Variants in LDHA observed in about 807,000 individuals in gnomAD.
LDHA encodes L-lactate dehydrogenase A chain.
In LDHA, 10 loss-of-function variants were observed where a neutral mutation model predicts 36.3. That is an observed-to-expected ratio of 0.28 (90% CI 0.17 to 0.47). The LOEUF is 0.47. LDHA is among the 20% of genes least tolerant of loss of function. The pLI is 0.99. For missense variants in LDHA, 267 were observed against 405.8 expected (o/e 0.66, Z 2.94); for synonymous variants, 110 against 136.7 (o/e 0.80, Z 1.36).
At chr11:18,398,629 T>TTTTTTTTTTTTTTTTTTC (rs1554960741) in intron 2 of LDHA, 2 of 87,662 alleles carry the variant, frequency 2.3e-5, no homozygotes, top group African/African-American at 8.1e-5. Context: ...TTTTTTTTTT[T>TTTTTTTTTTTTTTTTTTC]CTGAGAAGGA....
Position 18,408,215 on chromosome 11 carries a change from A to C in LDHA, c.*934A>C. On this transcript the variant is annotated 3_prime_UTR_variant, in exon 8 of 8. Coordinates refer to ENST00000422447, the MANE Select transcript of LDHA (RefSeq NM_005566.4). ...TAACAATTAAAAACAATCTTAAGGC[A>C]GGGTGCAGTGGCTCATGCCTATAAT... 1 of 454,060 alleles carries C rather than the reference A, an allele frequency of 2.2e-6. No individual in the cohort carries two copies. The allele number at this position is 454,060 out of a possible 1,614,324, so 28.1% of individuals were successfully genotyped here.
In LDHA at chr11:18,396,556, A is replaced by AC. The variant is rs1565033896; in HGVS notation, c.-24-260dup. On this transcript the variant is annotated intron_variant, in intron 1 of 7. Coordinates refer to ENST00000422447, the MANE Select transcript of LDHA (RefSeq NM_005566.4). ...GGGGTTAATAAACCGCGATGGGTGA[A>AC]CCCTCAGGAGGCTATACTTACACCC... is the stretch of plus-strand genomic sequence containing the variant. The AC allele has an allele frequency of 1.5e-6, 2 of 1,347,758 alleles. No homozygotes were observed. Among genetic ancestry groups the AC allele is most frequent in the Non-Finnish European group, 1.9e-6 (2 of 1,054,912 alleles). 83.5% of individuals were successfully genotyped at this position (1,347,758 alleles called of 1,614,324 possible). A position where few individuals can be genotyped will look rare whatever the true frequency, so the allele number is the denominator to read the frequency against.
chr11:18,405,627 A>C (rs1419894077), intron 7 of LDHA, 55 bp downstream of exon 7: 1 of 1,581,408 alleles, frequency 6.3e-7, no homozygotes, highest in African/African-American at 1.3e-5. Context: ...GCTTTTTAAA[A>C]AAGATTCTTC....
In LDHA at chr11:18,407,628, A is replaced by G. The variant is rs1418631695; in HGVS notation, c.*347A>G. 4 of 619,220 alleles carry G rather than the reference A, an allele frequency of 6.5e-6. No homozygotes were observed. Among genetic ancestry groups the G allele is most frequent in the Admixed American group, 2.1e-5 (1 of 47,482 alleles). The allele number at this position is 619,220 out of a possible 1,614,324, so 38.4% of individuals were successfully genotyped here. A position where few individuals can be genotyped will look rare whatever the true frequency, so the allele number is the denominator to read the frequency against. ...TAACTTCCTGGCTCCTTCACTGAACATGCCTAGTCCAACATTTTTTCCCAG... is the reference window on the plus strand; with the variant it reads ...TAACTTCCTGGCTCCTTCACTGAACGTGCCTAGTCCAACATTTTTTCCCAG... On this transcript the variant is annotated 3_prime_UTR_variant, in exon 8 of 8. Coordinates refer to ENST00000422447, the MANE Select transcript of LDHA (RefSeq NM_005566.4).
intron 1 of LDHA, chr11:18,394,842 C>G (rs1866236660): frequency 2.8e-6 from 1 of 354,856 alleles, no homozygotes; most frequent in Non-Finnish European, 5.6e-6. Context: ...TGCTTTTGCT[C>G]TAAGCGGGAA....
At chr11:18,399,224 G>C in intron 2 of LDHA, 1 of 533,310 alleles carries the variant, frequency 1.9e-6, no homozygotes. Context: ...GGGGAGACAG[G>C]GCTGGAGAGA....
At position 18,403,816 on chromosome 11, in the gene LDHA, T is replaced by C. The variant is rs768335491; in HGVS notation, c.710+5T>C. Reference sequence around the variant, plus strand: ...TCACAAGCAGGTGGTTGAGAGGTAATAAATCTTTCAATTTGGCAACACAGA... The same window carrying C: ...TCACAAGCAGGTGGTTGAGAGGTAACAAATCTTTCAATTTGGCAACACAGA... On this transcript the variant is annotated splice_donor_5th_base_variant and intron_variant, in intron 6 of 7. Transcript: ENST00000422447. The C allele has an allele frequency of 1.6e-5, 23 of 1,439,064 alleles. 1 individual carries two copies. In the South Asian group the frequency reaches 2.6e-4, roughly 16 times the overall value. 89.1% of individuals were successfully genotyped at this position (1,439,064 alleles called of 1,614,324 possible).
At chr11:18,397,087 T>C in intron 2 of LDHA, 119 bp downstream of exon 2, 1 of 877,136 alleles carries the variant, frequency 1.1e-6, no homozygotes, top group Non-Finnish European at 1.8e-6. Flanking sequence ...TATGCACTCA[T>C]TCGGATAACT....
chr11:18,400,637 T>A (rs1383844799), intron 3 of LDHA, 200 bp from the exon 4 acceptor site: 2 of 662,018 alleles, frequency 3.0e-6, no homozygotes, highest in Admixed American at 4.3e-5. Context: ...CAGCTCTCCC[T>A]AATTGTAGTT....
intron 3 of LDHA, 176 bp from the exon 4 acceptor site, chr11:18,400,661 A>G (rs1866453979): frequency 1.5e-6 from 1 of 683,254 alleles, no homozygotes. Context: ...TAAAGTTACA[A>G]CTTGACTAAA....
At chr11:18,401,416 A>T (rs1263059958) in intron 4 of LDHA, among the ~76,000 whole-genome samples, 1 of 146,450 alleles carries the variant, frequency 6.8e-6, no homozygotes, top group Admixed American at 6.9e-5. Flanking sequence ...AAGTGCTAGG[A>T]TTACAGGCGT....
rs556537577 is a variant in LDHA, at chr11:18,408,022, T to C, written c.*741T>C. ...TCAACTGAGTTGTATTGGTACCACT[T>C]CCATTGTAAGTCCCAAAGTATTATA... On this transcript the variant is annotated 3_prime_UTR_variant, in exon 8 of 8. Transcript: ENST00000422447. The C allele has an allele frequency of 2.2e-6, 1 of 454,120 alleles. No homozygotes were observed. Among genetic ancestry groups the C allele is most frequent in the African/African-American group, 2.0e-5 (1 of 50,132 alleles). 28.1% of individuals were successfully genotyped at this position (454,120 alleles called of 1,614,324 possible). A position where few individuals can be genotyped will look rare whatever the true frequency, so the allele number is the denominator to read the frequency against.
rs1292337003 is a variant in LDHA, at chr11:18,407,583, G to C, written c.*302G>C. The C allele has an allele frequency of 2.3e-5, 16 of 682,520 alleles. No homozygotes were observed. In the Admixed American group the frequency reaches 3.3e-4, roughly 14 times the overall value. 42.3% of individuals were successfully genotyped at this position (682,520 alleles called of 1,614,324 possible). On this transcript the variant is annotated 3_prime_UTR_variant, in exon 8 of 8. Transcript: ENST00000422447. ...CTGCATTTGCCCCTTGAGCCAGGTG[G>C]ATGTTTACCGTGTGTTATATAACTT...
intron 1 of LDHA, 33 bp downstream of exon 1, chr11:18,394,669 G>A (rs1590210213): frequency 2.2e-6 from 1 of 453,692 alleles, no homozygotes; most frequent in Non-Finnish European, 4.4e-6. Flanking sequence ...CGGCGCCAGA[G>A]GGATGGGCGG....
chr11:18,396,676 G>T (rs1866316494), intron 1 of LDHA, 143 bp from the exon 2 acceptor site: 3 of 1,373,428 alleles, frequency 2.2e-6, no homozygotes, highest in East Asian at 5.0e-5. Flanking sequence ...GCAACCATTA[G>T]GTTTTTTCCC....
chr11:18,405,377 T>C, intron 6 of LDHA, 72 bp from the exon 7 acceptor site: 2 of 1,498,710 alleles, frequency 1.3e-6, no homozygotes, highest in Non-Finnish European at 1.8e-6. Flanking sequence ...TGTGTATTAA[T>C]GAAAACTTTG....
rs1280797371 is a variant in LDHA, at chr11:18,401,531, A to G, written c.418+521A>G. On this transcript the variant is annotated intron_variant, in intron 4 of 7. Transcript: ENST00000422447. ...CTTGCTCTGTCACCCTGGCTGGAGT[A>G]CAGTGGCTTGATCTTGGCTCACTGC... 7.9e-5 allele frequency among the ~76,000 whole-genome samples: 9 copies of G among 114,164 alleles called. No individual in the cohort carries two copies. In the East Asian group the frequency reaches 2.5e-3, roughly 31 times the overall value. 74.9% of individuals were successfully genotyped at this position (114,164 alleles called of 152,430 possible).
intron 6 of LDHA, among the ~76,000 whole-genome samples, chr11:18,404,920 G>C (rs1403698876): frequency 6.6e-6 from 1 of 151,956 alleles, no homozygotes; most frequent in African/African-American, 2.4e-5. Context: ...CCACCACCCA[G>C]CTCAAGAAAG....
intron 7 of LDHA, 179 bp downstream of exon 7, chr11:18,405,751 G>T: frequency 1.5e-6 from 1 of 646,314 alleles, no homozygotes; most frequent in Non-Finnish European, 2.7e-6. Context: ...TGTCCATTAG[G>T]CCTGTTCAAC....
Sources: allele counts gnomAD v4.1 joint callset (sites outside exome capture counted in the v4.1 genomes callset), GRCh38; gene constraint gnomAD v4.1.1; transcripts MANE v1.5; gene names NCBI Gene and HGNC (gene_info 2026-07-23, HGNC 2026-07-21).